The following ATPAF1 variants were observed in gnomAD, a reference collection of about 807,000 sequenced individuals.
ATPAF1 encodes ATP synthase mitochondrial F1 complex assembly factor 1.
ATPAF1 carries 26 observed loss-of-function variants against 43.9 expected under a neutral mutation model. The ratio of observed to expected loss-of-function variants is 0.59; its 90% CI spans 0.43 to 0.82. ATPAF1 has a LOEUF of 0.82. Among genes scored for constraint, ATPAF1 ranks in the 40% least tolerant of loss-of-function variants. The pLI, the probability that ATPAF1 is intolerant of heterozygous loss-of-function variation, is 0.00. For synonymous variants in ATPAF1, 157 were observed against 168.0 expected, an observed-to-expected ratio of 0.93 and a Z score of 0.50; for missense variants, 366 against 435.0, an observed-to-expected ratio of 0.84 and a Z score of 1.41.
At chr1:46,665,434 T>G (rs959073623) in intron 1 of ATPAF1, 70 bp from the exon 2 acceptor site, 1 of 1,494,106 alleles carries the variant, frequency 6.7e-7, no homozygotes, top group East Asian at 2.4e-5. Context: ...AAGCATCACT[T>G]TCCACCTCTA....
intron 8 of ATPAF1, among the ~76,000 whole-genome samples, chr1:46,640,962 A>G (rs1675938577): frequency 6.6e-6 from 1 of 152,212 alleles, no homozygotes; most frequent in Non-Finnish European, 1.5e-5. Flanking sequence ...CTGCTGTCAT[A>G]TTCCTGGTAA....
In ATPAF1 at chr1:46,645,145, G is replaced by A; in HGVS notation, c.684+16C>T. 1 of 1,601,112 alleles carries A rather than the reference G, an allele frequency of 6.2e-7. No individual in the cohort carries two copies. Among genetic ancestry groups the A allele is most frequent in the Non-Finnish European group, 8.6e-7 (1 of 1,168,598 alleles). ...GTAGTCCTCTTTCCTCTAGAGGAAG[G>A]GCACAAGCCACCTACCTGAATATTT... On this transcript the variant is annotated intron_variant, in intron 7 of 8. Transcript: ENST00000574428.
intron 5 of ATPAF1, 144 bp from the exon 6 acceptor site, chr1:46,652,772 T>C: frequency 1.3e-6 from 1 of 751,796 alleles, no homozygotes; most frequent in Middle Eastern, 3.1e-4. Context: ...AAATCACTCT[T>C]ATGACAGAAA....
At chr1:46,642,671 A>G (rs946320) in intron 8 of ATPAF1, among the ~76,000 whole-genome samples, 90,838 of 152,128 alleles carry the variant, frequency 0.6, 29,016 homozygotes, top group Non-Finnish European at 0.73. Context: ...ACTCTTCCCT[A>G]TAATTAAGAA....
Position 46,654,558 on chromosome 1 carries a change from ATTG to A in ATPAF1, c.490-694_490-692del, listed in dbSNP as rs1483715506. Among the ~76,000 whole-genome samples, 230 of 145,990 alleles carry A rather than the reference ATTG, an allele frequency of 1.6e-3. 1 individual carries two copies. Among genetic ancestry groups the A allele is most frequent in the South Asian group, 3.8e-3 (17 of 4,490 alleles). On this transcript the variant is annotated intron_variant, in intron 4 of 8. Transcript: ENST00000574428. Reference sequence around the variant, plus strand: ...TATTATTATTATTATTATTATTATTATTGTACTTTAAGTTCTAGGGTACATGTG... The same window carrying A: ...TATTATTATTATTATTATTATTATTATACTTTAAGTTCTAGGGTACATGTG...
chr1:46,661,613 G>T (rs1676388475), intron 2 of ATPAF1, among the ~76,000 whole-genome samples: 1 of 152,142 alleles, frequency 6.6e-6, no homozygotes. Flanking sequence ...ATACATACAG[G>T]TAGGTTATAT....
intron 8 of ATPAF1, among the ~76,000 whole-genome samples, chr1:46,642,479 A>T (rs1372012275): frequency 6.6e-6 from 1 of 152,232 alleles, no homozygotes; most frequent in Non-Finnish European, 1.5e-5. Context: ...TGGCACCTGG[A>T]TGTGCAGAGA....
chr1:46,646,467 C>T (rs546135928), intron 6 of ATPAF1, among the ~76,000 whole-genome samples: 1 of 152,200 alleles, frequency 6.6e-6, no homozygotes, highest in Admixed American at 6.5e-5. Context: ...GACTAAACAC[C>T]AAAAAATAAG....
At chr1:46,647,264 G>A (rs966459601) in intron 6 of ATPAF1, among the ~76,000 whole-genome samples, 1 of 151,902 alleles carries the variant, frequency 6.6e-6, no homozygotes, top group Non-Finnish European at 1.5e-5. Flanking sequence ...TTGTGGTGTG[G>A]AGATCTACCT....
intron 4 of ATPAF1, among the ~76,000 whole-genome samples, chr1:46,657,315 A>C (rs1569627039): frequency 6.6e-6 from 1 of 152,296 alleles, no homozygotes; most frequent in East Asian, 1.9e-4. Context: ...TAGAGAGAAA[A>C]GAATCACAGG....
intron 8 of ATPAF1, chr1:46,636,209 C>T (rs560904528): frequency 6.5e-4 from 371 of 570,088 alleles, no homozygotes; most frequent in Non-Finnish European, 9.5e-4. Flanking sequence ...CTTTTTTTGT[C>T]TATTTTCCCT....
At chr1:46,658,449 C>T (rs191364857) in intron 3 of ATPAF1, among the ~76,000 whole-genome samples, 4 of 152,238 alleles carry the variant, frequency 2.6e-5, no homozygotes, top group South Asian at 2.1e-4. Context: ...ATGAGTCCTG[C>T]GGCACTTTGC....
At chr1:46,664,235 G>A (rs1031860338) in intron 2 of ATPAF1, among the ~76,000 whole-genome samples, 2 of 152,160 alleles carry the variant, frequency 1.3e-5, no homozygotes, top group African/African-American at 4.8e-5. Context: ...GGATAATAAT[G>A]GCTAATATAT....
intron 4 of ATPAF1, among the ~76,000 whole-genome samples, chr1:46,657,606 G>A (rs595813): frequency 0.4 from 61,210 of 152,028 alleles, 14,199 homozygotes; most frequent in East Asian, 0.78. Flanking sequence ...TGAGGTAAGT[G>A]CTATTATTTG....
At chr1:46,654,801 T>C (rs1481582423) in intron 4 of ATPAF1, among the ~76,000 whole-genome samples, 2 of 152,154 alleles carry the variant, frequency 1.3e-5, no homozygotes, top group African/African-American at 4.8e-5. Flanking sequence ...TTTGGTTTTC[T>C]GTCCTTGTGA....
intron 2 of ATPAF1, among the ~76,000 whole-genome samples, chr1:46,658,994 A>C (rs1676332344): frequency 1.3e-5 from 2 of 152,196 alleles, no homozygotes; most frequent in Non-Finnish European, 2.9e-5. Context: ...GTTCGAGACC[A>C]GCCTGGCCAA....
chr1:46,657,338 A>C (rs952224285), intron 4 of ATPAF1, among the ~76,000 whole-genome samples: 1 of 152,160 alleles, frequency 6.6e-6, no homozygotes, highest in African/African-American at 2.4e-5. Context: ...TAAAAATATA[A>C]ATGACCAAAC....
intron 4 of ATPAF1, among the ~76,000 whole-genome samples, chr1:46,656,291 C>T (rs995446766): frequency 1.3e-5 from 2 of 152,100 alleles, no homozygotes; most frequent in African/African-American, 2.4e-5. Context: ...CAAGGTGACA[C>T]CAGAGTGAGC....
intron 7 of ATPAF1, among the ~76,000 whole-genome samples, chr1:46,644,281 A>C (rs1675998819): frequency 7.1e-6 from 1 of 140,548 alleles, no homozygotes; most frequent in South Asian, 2.4e-4. Context: ...ACCTGGGCTC[A>C]ATCCTGGCTC....
Sources: gnomAD v4.1 joint callset for allele counts (sites outside exome capture counted in the v4.1 genomes callset) on GRCh38, gnomAD v4.1.1 for gene constraint, MANE v1.5 for transcripts, NCBI Gene and HGNC (gene_info 2026-07-23, HGNC 2026-07-21) for gene names.